Variants in LRMDA observed in about 807,000 individuals in gnomAD.
LRMDA encodes the protein leucine-rich melanocyte differentiation-associated protein.
Under a neutral mutation model 29.8 loss-of-function variants are expected in LRMDA, and 18 were observed. The observed-to-expected ratio is 0.60, with a 90% CI of 0.42 to 0.90. LRMDA has a LOEUF of 0.90. Among genes scored for constraint, LRMDA ranks in the 40% least tolerant of loss-of-function variants. The pLI is 0.00. For synonymous variants in LRMDA, 125 were observed against 109.4 expected (o/e 1.14, Z -0.89); for missense variants, 273 against 273.9 (o/e 1.00, Z 0.02).
At chr10:75,750,610 G>T (rs1486623072) in intron 2 of LRMDA, among the ~76,000 whole-genome samples, 9 of 150,396 alleles carry the variant, frequency 6.0e-5, no homozygotes, top group Non-Finnish European at 5.9e-5. Context: ...GATGGCGGCC[G>T]GGCAGAGGCG....
At chr10:76,240,025 G>C (rs549551016) in intron 5 of LRMDA, among the ~76,000 whole-genome samples, 1 of 151,388 alleles carries the variant, frequency 6.6e-6, no homozygotes, top group Non-Finnish European at 1.5e-5. Context: ...CAATATAGCC[G>C]GGAAATTTTT....
intron 2 of LRMDA, among the ~76,000 whole-genome samples, chr10:75,580,040 C>T (rs1266041078): frequency 6.6e-6 from 1 of 152,196 alleles, no homozygotes; most frequent in Admixed American, 6.5e-5. Flanking sequence ...CTCACCACTC[C>T]TATTCAACAT....
chr10:75,497,393 G>C (rs955116765), intron 2 of LRMDA, among the ~76,000 whole-genome samples: 1 of 151,790 alleles, frequency 6.6e-6, no homozygotes, highest in African/African-American at 2.4e-5. Context: ...GCATTTCATA[G>C]TAAGTTACAG....
At chr10:76,356,959 G>A (rs12255147) in intron 6 of LRMDA, among the ~76,000 whole-genome samples, 15,918 of 152,128 alleles carry the variant, frequency 0.1, 961 homozygotes, top group East Asian at 0.3. Flanking sequence ...GGCAATGTTG[G>A]TAACAAAGAA....
intron 2 of LRMDA, among the ~76,000 whole-genome samples, chr10:75,859,600 TACACACACACACACACACACACAC>T (rs71024575): frequency 5.2e-5 from 4 of 77,548 alleles, no homozygotes; most frequent in South Asian, 4.9e-4. Flanking sequence ...ATTCAGGGCA[TACACACACACACACACACACACAC>T]ACACACACAC....
chr10:76,537,730 C>T (rs941588434), intron 6 of LRMDA, among the ~76,000 whole-genome samples: 3 of 152,160 alleles, frequency 2.0e-5, no homozygotes, highest in African/African-American at 7.2e-5. Context: ...ATACCCCCAT[C>T]TGCAAAGCCT....
chr10:76,433,791 A>C (rs1842216444), intron 6 of LRMDA: 1 of 152,250 alleles, frequency 6.6e-6, no homozygotes, highest in African/African-American at 2.4e-5. Flanking sequence ...CATGGGATCA[A>C]ATTCTAACCC....
intron 2 of LRMDA, chr10:75,642,415 G>A (rs1212514042): frequency 6.6e-6 from 1 of 152,302 alleles, no homozygotes; most frequent in South Asian, 2.1e-4. Context: ...AAGGGCCTCC[G>A]TTTGTGGTAG....
intron 2 of LRMDA, among the ~76,000 whole-genome samples, chr10:75,546,441 T>G (rs947373056): frequency 6.6e-6 from 1 of 152,208 alleles, no homozygotes; most frequent in African/African-American, 2.4e-5. Context: ...TATTTTGAAA[T>G]AAACATATGT....
intron 5 of LRMDA, among the ~76,000 whole-genome samples, chr10:76,231,678 T>C (rs1852061812): frequency 6.6e-6 from 1 of 152,176 alleles, no homozygotes; most frequent in Non-Finnish European, 1.5e-5. Context: ...TGCAAAGTAA[T>C]AAAAACCATC....
intron 2 of LRMDA, among the ~76,000 whole-genome samples, chr10:75,771,277 A>C (rs888951204): frequency 6.6e-6 from 1 of 151,422 alleles, no homozygotes; most frequent in Admixed American, 6.6e-5. Flanking sequence ...CCTTCCATCC[A>C]TGCATTTTTT....
intron 5 of LRMDA, among the ~76,000 whole-genome samples, chr10:76,081,514 A>C (rs997910488): frequency 2.0e-5 from 3 of 152,166 alleles, no homozygotes; most frequent in African/African-American, 7.2e-5. Context: ...ATAAAATCAG[A>C]TATAGCCACA....
Position 76,412,709 on chromosome 10 carries a change from T to C in LRMDA, c.601+88224T>C, listed in dbSNP as rs142870022. 5.3e-5 allele frequency among the ~76,000 whole-genome samples: 8 copies of C among 152,300 alleles called. No homozygotes were observed. In the East Asian group the frequency reaches 1.5e-3, roughly 29 times the overall value. ...GATGTTGAACCTATACAATATTCAG[T>C]AAGTAGTTTTGATTCTTCTGTGATG... On this transcript the variant is annotated intron_variant, in intron 6 of 6. Transcript: ENST00000611255.
chr10:76,243,804 G>A (rs1181090973), intron 5 of LRMDA, among the ~76,000 whole-genome samples: 1 of 152,184 alleles, frequency 6.6e-6, no homozygotes, highest in African/African-American at 2.4e-5. Context: ...AGTGGGTTGA[G>A]TGGTAGCCCC....
At chr10:76,272,197 G>T (rs7080230) in intron 5 of LRMDA, among the ~76,000 whole-genome samples, 9,451 of 152,184 alleles carry the variant, frequency 0.062, 798 homozygotes, top group African/African-American at 0.19. Flanking sequence ...CATTCACCTT[G>T]GATTTTTGGC....
chr10:76,336,978 T>C (rs1434219738), intron 6 of LRMDA, among the ~76,000 whole-genome samples: 1 of 152,094 alleles, frequency 6.6e-6, no homozygotes, highest in Non-Finnish European at 1.5e-5. Flanking sequence ...TTGGAAACTC[T>C]CTGGAACTTT....
intron 2 of LRMDA, among the ~76,000 whole-genome samples, chr10:75,658,128 C>T (rs1300375786): frequency 3.9e-5 from 6 of 152,000 alleles, no homozygotes; most frequent in African/African-American, 1.2e-4. Flanking sequence ...TCTGGAGAGA[C>T]ACCTCAGGCT....
intron 5 of LRMDA, among the ~76,000 whole-genome samples, chr10:76,089,461 G>A (rs1435393683): frequency 4.6e-5 from 7 of 152,328 alleles, no homozygotes; most frequent in Admixed American, 3.3e-4. Context: ...AGTGTCCTGG[G>A]ATCCTCCGCA....
chr10:76,187,055 C>A (rs970338252), intron 5 of LRMDA, among the ~76,000 whole-genome samples: 2 of 152,132 alleles, frequency 1.3e-5, no homozygotes, highest in African/African-American at 4.8e-5. Context: ...CTACTCCCAG[C>A]CTCTCCCAGG....
Sources: allele counts gnomAD v4.1 joint callset (sites outside exome capture counted in the v4.1 genomes callset), GRCh38; gene constraint gnomAD v4.1.1; transcripts MANE v1.5; gene names NCBI Gene and HGNC (gene_info 2026-07-23, HGNC 2026-07-21).